The following HIVEP2 variants were observed in gnomAD, a reference collection of about 807,000 sequenced individuals.
The protein encoded by HIVEP2 is transcription factor HIVEP2.
In HIVEP2, 14 loss-of-function variants were observed where a neutral mutation model predicts 180.7. That is an observed-to-expected ratio of 0.08 (90% CI 0.05 to 0.12). The LOEUF is 0.12. Among genes scored for constraint, HIVEP2 ranks in the 10% least tolerant of loss-of-function variants. The pLI, the probability that HIVEP2 is intolerant of heterozygous loss-of-function variation, is 1.00. For missense variants in HIVEP2, 2,579 were observed against 3,008.5 expected, an observed-to-expected ratio of 0.86 and a Z score of 3.34; for synonymous variants, 1,184 against 1,136.4, an observed-to-expected ratio of 1.04 and a Z score of -0.84.
chr6:142,914,170 G>A (rs1272786683), intron 1 of HIVEP2, among the ~76,000 whole-genome samples: 1 of 152,146 alleles, frequency 6.6e-6, no homozygotes, highest in Non-Finnish European at 1.5e-5. Context: ...TTTCTCACAT[G>A]TCAGCCACAG....
chr6:142,761,391 T>C, intron 8 of HIVEP2, 73 bp downstream of exon 8: 1 of 717,990 alleles, frequency 1.4e-6, no homozygotes. Flanking sequence ...TCTAAACTTA[T>C]TTTACTACCT....
At chr6:142,816,548 C>G (rs1212816620) in intron 2 of HIVEP2, among the ~76,000 whole-genome samples, 2 of 152,144 alleles carry the variant, frequency 1.3e-5, no homozygotes, top group South Asian at 2.1e-4. Flanking sequence ...CTCTGCACAA[C>G]AGGACACATA....
chr6:142,772,978 C>T lies in HIVEP2; in HGVS notation c.1761G>A (p.Gln587=). Residue 587 remains glutamine (Q), a synonymous_variant, in exon 5 of 10, where the codon CAG becomes CAA. Transcript: ENST00000367603. This position sits in a 1 kb window ranked among gnomAD's most constrained non-coding sequence, Gnocchi z 4.9. ...ATGCCGCTTGTCTTCTTAGCATGCG[C>T]TGAGGGGGTATGCCCACGGTCCCTG... ...FYPGTVGIPP[Q]RMLRRQAAFE... 2.5e-6 allele frequency: 4 copies of T among 1,614,208 alleles called. No homozygotes were observed. Among genetic ancestry groups the T allele is most frequent in the Non-Finnish European group, 3.4e-6 (4 of 1,180,044 alleles).
chr6:142,873,018 C>T (rs538522609), intron 1 of HIVEP2, among the ~76,000 whole-genome samples: 1 of 152,276 alleles, frequency 6.6e-6, no homozygotes, highest in South Asian at 2.1e-4. Flanking sequence ...AACTTTTACC[C>T]ATAACAGCAA....
intron 1 of HIVEP2, among the ~76,000 whole-genome samples, chr6:142,845,684 A>AGGCT (rs1775493921): frequency 6.6e-6 from 1 of 152,224 alleles, no homozygotes; most frequent in South Asian, 2.1e-4. Context: ...CTCACTAACC[A>AGGCT]GGCTGCCAGG....
intron 1 of HIVEP2, among the ~76,000 whole-genome samples, chr6:142,895,312 G>A (rs1776959813): frequency 6.6e-6 from 1 of 151,752 alleles, no homozygotes; most frequent in East Asian, 1.9e-4. Context: ...GTTTTTTTCA[G>A]GACTTAAATT....
At chr6:142,873,296 T>G (rs888503660) in intron 1 of HIVEP2, among the ~76,000 whole-genome samples, 6 of 152,178 alleles carry the variant, frequency 3.9e-5, no homozygotes, top group African/African-American at 1.4e-4. Context: ...ACAAGACATT[T>G]AAAGAAGCAG....
chr6:142,845,014 C>A (rs374718505), intron 1 of HIVEP2, among the ~76,000 whole-genome samples: 3 of 152,208 alleles, frequency 2.0e-5, no homozygotes, highest in Non-Finnish European at 1.5e-5. Context: ...GACATGGGGT[C>A]TTTGCAGGCT....
intron 1 of HIVEP2, among the ~76,000 whole-genome samples, chr6:142,938,577 C>T (rs1778107112): frequency 6.6e-6 from 1 of 152,228 alleles, no homozygotes; most frequent in Non-Finnish European, 1.5e-5. Flanking sequence ...TTCTCTCTCA[C>T]AGAACACCTA....
intron 2 of HIVEP2, among the ~76,000 whole-genome samples, chr6:142,824,371 T>G (rs1201140343): frequency 2.6e-5 from 4 of 152,086 alleles, no homozygotes; most frequent in African/African-American, 9.7e-5. Flanking sequence ...AGCCAGAAAA[T>G]TATTCTAGTC....
chr6:142,921,326 A>G (rs1402638909), intron 1 of HIVEP2, among the ~76,000 whole-genome samples: 1 of 152,240 alleles, frequency 6.6e-6, no homozygotes, highest in South Asian at 2.1e-4. Context: ...GCTTGAGGCC[A>G]GGAGTTCGAG....
chr6:142,803,596 C>CACACACACACAAAA (rs34620210), intron 2 of HIVEP2, among the ~76,000 whole-genome samples: 2 of 151,268 alleles, frequency 1.3e-5, no homozygotes, highest in African/African-American at 4.9e-5. Flanking sequence ...CACACACACA[C>CACACACACACAAAA]AAAACTCAGG....
chr6:142,861,142 TG>T (rs1775969097), intron 1 of HIVEP2, among the ~76,000 whole-genome samples: 1 of 152,160 alleles, frequency 6.6e-6, no homozygotes, highest in African/African-American at 2.4e-5. Flanking sequence ...CATATTCAAA[TG>T]CTGAGGCTCA....
At chr6:142,906,095 T>C (rs1329640901) in intron 1 of HIVEP2, among the ~76,000 whole-genome samples, 3 of 152,100 alleles carry the variant, frequency 2.0e-5, no homozygotes, top group Non-Finnish European at 2.9e-5. Flanking sequence ...GATGGCACCA[T>C]TGCACTCCAG....
At chr6:142,768,990 C>T (rs1775448782) in intron 5 of HIVEP2, among the ~76,000 whole-genome samples, 1 of 148,754 alleles carries the variant, frequency 6.7e-6, no homozygotes, top group South Asian at 2.1e-4. Flanking sequence ...TCAAAATTCC[C>T]CTTAATATTT....
At chr6:142,808,012 A>C (rs568689482) in intron 2 of HIVEP2, among the ~76,000 whole-genome samples, 34 of 152,232 alleles carry the variant, frequency 2.2e-4, no homozygotes, top group African/African-American at 7.9e-4. Context: ...TTTCCTACCC[A>C]GTTCCAAACT....
At chr6:142,910,124 T>C (rs1011998017) in intron 1 of HIVEP2, among the ~76,000 whole-genome samples, 1 of 152,164 alleles carries the variant, frequency 6.6e-6, no homozygotes, top group Non-Finnish European at 1.5e-5. Context: ...ACAAACAAGC[T>C]CTGAGTGAAG....
intron 1 of HIVEP2, among the ~76,000 whole-genome samples, chr6:142,892,768 C>G (rs980153452): frequency 3.7e-4 from 56 of 152,142 alleles, no homozygotes; most frequent in African/African-American, 1.3e-3. Context: ...CAGGCATTCC[C>G]CCAAGGCTCT....
At chr6:142,830,236 A>G (rs1326649548) in intron 2 of HIVEP2, among the ~76,000 whole-genome samples, 1 of 152,132 alleles carries the variant, frequency 6.6e-6, no homozygotes, top group Admixed American at 6.5e-5. Flanking sequence ...CCCGAACTAG[A>G]CTGCCTCAAT....
Sources: gnomAD v4.1 joint callset for allele counts (sites outside exome capture counted in the v4.1 genomes callset) on GRCh38, gnomAD v4.1.1 for gene constraint, Gnocchi (gnomAD v3.1) non-coding constraint, MANE v1.5 for transcripts, NCBI Gene and HGNC (gene_info 2026-07-23, HGNC 2026-07-21) for gene names.